FSTL4: variants seen among roughly 807,000 people sequenced by gnomAD.
FSTL4 encodes the protein follistatin-related protein 4.
Under a neutral mutation model 78.2 loss-of-function variants are expected in FSTL4, and 28 were observed. The ratio of observed to expected loss-of-function variants is 0.36; its 90% CI spans 0.27 to 0.49. The LOEUF is 0.49. FSTL4 is among the 20% of genes least tolerant of loss of function. The pLI is 0.98. For missense variants in FSTL4, 922 were observed against 1,084.9 expected, an observed-to-expected ratio of 0.85 and a Z score of 2.11; for synonymous variants, 422 against 440.5, an observed-to-expected ratio of 0.96 and a Z score of 0.53.
At chr5:133,350,950 G>C (rs994948013) in intron 4 of FSTL4, among the ~76,000 whole-genome samples, 1 of 152,242 alleles carries the variant, frequency 6.6e-6, no homozygotes, top group Non-Finnish European at 1.5e-5. Flanking sequence ...GGCTGGGAAA[G>C]GTAGTTTCTT....
At chr5:133,806,966 A>ACC in the FSTL4 span, among the ~76,000 whole-genome samples, 13 of 152,188 alleles carry the variant, frequency 8.5e-5, no homozygotes, top group Non-Finnish European at 1.6e-4. Flanking sequence ...GAAAGGACTT[A>ACC]TGAGGATGCT....
At chr5:133,231,091 T>G (rs1028349774) in intron 8 of FSTL4, among the ~76,000 whole-genome samples, 1 of 151,668 alleles carries the variant, frequency 6.6e-6, no homozygotes, top group African/African-American at 2.4e-5. Context: ...CGGACATAGC[T>G]CCCACGCCTC....
intron 3 of FSTL4, among the ~76,000 whole-genome samples, chr5:133,431,225 G>A (rs1327607590): frequency 6.6e-6 from 1 of 152,196 alleles, no homozygotes; most frequent in Non-Finnish European, 1.5e-5. Flanking sequence ...ACTACCAAGA[G>A]AACTGTGTTA....
At chr5:133,265,325 G>A (rs766692252) in intron 6 of FSTL4, among the ~76,000 whole-genome samples, 5 of 152,172 alleles carry the variant, frequency 3.3e-5, no homozygotes, top group Non-Finnish European at 7.3e-5. Flanking sequence ...CCACCAGGGA[G>A]GGCACCACCT....
chr5:133,635,325 C>CTTG, the FSTL4 span, among the ~76,000 whole-genome samples: 1 of 152,248 alleles, frequency 6.6e-6, no homozygotes, highest in Non-Finnish European at 1.5e-5. Context: ...CCAGAGAGCA[C>CTTG]TGCACTTACA....
chr5:133,714,343 G>A, the FSTL4 span, among the ~76,000 whole-genome samples: 2 of 152,088 alleles, frequency 1.3e-5, no homozygotes, highest in African/African-American at 2.4e-5. Context: ...TATGACTCAC[G>A]TACTCATTTG....
chr5:133,487,824 C>T (rs773279044), intron 3 of FSTL4, among the ~76,000 whole-genome samples: 2 of 152,184 alleles, frequency 1.3e-5, no homozygotes, highest in African/African-American at 4.8e-5. Context: ...ATGAGCACTT[C>T]GTGACTGTCT....
chr5:133,314,394 C>G lies in FSTL4; in HGVS notation c.604-1617G>C, dbSNP rs145820708. Reference sequence around the variant, plus strand: ...GATGCAGGCCTTGAATGGGCTTGCGCGAGCCACTCAGGTATGAGTGAACAG... The same window carrying G: ...GATGCAGGCCTTGAATGGGCTTGCGGGAGCCACTCAGGTATGAGTGAACAG... On this transcript the variant is annotated intron_variant, in intron 5 of 15. Coordinates refer to ENST00000265342, the MANE Select transcript of FSTL4 (RefSeq NM_015082.2). Among the ~76,000 whole-genome samples, 501 of 152,292 alleles carry G rather than the reference C, an allele frequency of 3.3e-3. 2 individuals carry two copies. Among genetic ancestry groups the G allele is most frequent in the African/African-American group, 0.011 (476 of 41,564 alleles).
At chr5:133,615,864 T>C (rs1761190274), upstream of FSTL4, among the ~76,000 whole-genome samples, 1 of 152,128 alleles carries the variant, frequency 6.6e-6, no homozygotes, top group African/African-American at 2.4e-5. Flanking sequence ...AGAAGTGGTA[T>C]AGAGTAGGAA....
At chr5:133,249,603 T>C in intron 6 of FSTL4, 27 bp from the exon 7 acceptor site, 1 of 1,593,754 alleles carries the variant, frequency 6.3e-7, no homozygotes. Context: ...GGAGGCACGG[T>C]CAGGTGCAGG....
chr5:133,489,700 C>T (rs1758218316), intron 3 of FSTL4, among the ~76,000 whole-genome samples: 1 of 152,164 alleles, frequency 6.6e-6, no homozygotes, highest in South Asian at 2.1e-4. Context: ...TATGTCACCC[C>T]CAAAATAGCC....
At chr5:133,220,074 T>C (rs1195551651) in intron 12 of FSTL4, among the ~76,000 whole-genome samples, 4 of 152,288 alleles carry the variant, frequency 2.6e-5, no homozygotes, top group African/African-American at 7.2e-5. Context: ...ACTTCCTCCA[T>C]GGGCTCCAAG....
At chr5:133,494,924 A>G (rs527337313) in intron 3 of FSTL4, among the ~76,000 whole-genome samples, 27 of 152,154 alleles carry the variant, frequency 1.8e-4, no homozygotes, top group Non-Finnish European at 2.5e-4. Flanking sequence ...CCTTCCTCTC[A>G]ATCCTGGAAC....
chr5:133,554,622 T>TCAA (rs1388429299), intron 3 of FSTL4, among the ~76,000 whole-genome samples: 1 of 152,212 alleles, frequency 6.6e-6, no homozygotes, highest in African/African-American at 2.4e-5. Flanking sequence ...CTGAGCTTAT[T>TCAA]CAACAACAAC....
intron 3 of FSTL4, among the ~76,000 whole-genome samples, chr5:133,410,860 C>T (rs1561707166): frequency 6.6e-6 from 1 of 152,212 alleles, no homozygotes; most frequent in Non-Finnish European, 1.5e-5. Context: ...AAAACATGCA[C>T]TGGATAATAT....
chr5:133,319,933 A>G (rs733023), intron 4 of FSTL4, among the ~76,000 whole-genome samples: 99,469 of 152,124 alleles, frequency 0.65, 32,829 homozygotes, highest in Middle Eastern at 0.73. Context: ...GGGAAGGGCC[A>G]TGGACCCTGG....
At chr5:133,781,585 G>A in the FSTL4 span, among the ~76,000 whole-genome samples, 1 of 152,182 alleles carries the variant, frequency 6.6e-6, no homozygotes, top group Non-Finnish European at 1.5e-5. Flanking sequence ...GGAGGGTGCA[G>A]TGTGGCCCAC....
chr5:133,793,624 C>T, the FSTL4 span, among the ~76,000 whole-genome samples: 2 of 152,234 alleles, frequency 1.3e-5, no homozygotes, highest in African/African-American at 4.8e-5. Flanking sequence ...TTCCACACTG[C>T]GGCAGCCCAA....
chr5:133,517,874 C>A (rs557722168), intron 3 of FSTL4, among the ~76,000 whole-genome samples: 1 of 152,114 alleles, frequency 6.6e-6, no homozygotes, highest in African/African-American at 2.4e-5. Flanking sequence ...CTCTTCTTTG[C>A]GGGAGCTAAG....
Sources: allele counts gnomAD v4.1 joint callset (sites outside exome capture counted in the v4.1 genomes callset), GRCh38; gene constraint gnomAD v4.1.1; transcripts MANE v1.5; gene names NCBI Gene and HGNC (gene_info 2026-07-23, HGNC 2026-07-21).